The following MACROD2 variants were observed in gnomAD, a reference collection of about 807,000 sequenced individuals.
MACROD2 encodes ADP-ribose glycohydrolase MACROD2.
MACROD2 carries 36 observed loss-of-function variants against 70.4 expected under a neutral mutation model. The ratio of observed to expected loss-of-function variants is 0.51; its 90% CI spans 0.39 to 0.68. The LOEUF is 0.68. Among genes scored for constraint, MACROD2 ranks in the 30% least tolerant of loss-of-function variants. MACROD2 has a pLI of 0.00. For synonymous variants in MACROD2, 172 were observed against 178.8 expected (o/e 0.96, Z 0.30); for missense variants, 496 against 538.4 (o/e 0.92, Z 0.78).
At chr20:14,284,957 T>C (rs1164774472) in intron 3 of MACROD2, among the ~76,000 whole-genome samples, 1 of 152,188 alleles carries the variant, frequency 6.6e-6, no homozygotes, top group East Asian at 1.9e-4. Context: ...TATGGATTGA[T>C]TGTAAAAACT....
At chr20:15,056,783 C>G (rs2075489393) in intron 5 of MACROD2, among the ~76,000 whole-genome samples, 1 of 152,046 alleles carries the variant, frequency 6.6e-6, no homozygotes, top group Non-Finnish European at 1.5e-5. Flanking sequence ...ACTGATGTAA[C>G]AGCAAAGAGA....
chr20:14,910,599 T>G (rs1019743200), intron 5 of MACROD2, among the ~76,000 whole-genome samples: 1 of 152,186 alleles, frequency 6.6e-6, no homozygotes. Context: ...CCTCCACCAT[T>G]TGTCAGAGCT....
At chr20:14,041,945 C>T (rs2053396838) in intron 2 of MACROD2, among the ~76,000 whole-genome samples, 1 of 152,008 alleles carries the variant, frequency 6.6e-6, no homozygotes, top group Admixed American at 6.6e-5. Context: ...TTTCACCAGC[C>T]ATCAGTACAG....
chr20:15,547,300 T>C (rs1739407353), intron 8 of MACROD2, among the ~76,000 whole-genome samples: 1 of 152,254 alleles, frequency 6.6e-6, no homozygotes, highest in Admixed American at 6.5e-5. Flanking sequence ...ACTAGACAGA[T>C]GGAACCAATC....
At chr20:15,801,237 A>T (rs1568569149) in intron 8 of MACROD2, among the ~76,000 whole-genome samples, 1 of 151,750 alleles carries the variant, frequency 6.6e-6, no homozygotes, top group South Asian at 2.1e-4. Flanking sequence ...AAAACTGGAC[A>T]GTGGATGGTA....
chr20:15,864,182 G>A (rs1045736183), intron 9 of MACROD2, among the ~76,000 whole-genome samples: 1 of 151,572 alleles, frequency 6.6e-6, no homozygotes, highest in Non-Finnish European at 1.5e-5. Flanking sequence ...TTGTTGAGAC[G>A]AGTTGAATTA....
At chr20:14,761,971 C>A (rs992621910) in intron 5 of MACROD2, among the ~76,000 whole-genome samples, 1 of 152,090 alleles carries the variant, frequency 6.6e-6, no homozygotes, top group Non-Finnish European at 1.5e-5. Context: ...CAATTCTTTT[C>A]CCATTCCATA....
intron 13 of MACROD2, among the ~76,000 whole-genome samples, chr20:15,985,573 G>A (rs1048768025): frequency 2.4e-4 from 36 of 152,154 alleles, no homozygotes; most frequent in African/African-American, 3.4e-4. Context: ...AATCCTCCAC[G>A]GGGGCCTGCT....
chr20:14,336,836 G>T (rs535866887), intron 3 of MACROD2, among the ~76,000 whole-genome samples: 2 of 152,324 alleles, frequency 1.3e-5, no homozygotes, highest in South Asian at 4.1e-4. Flanking sequence ...TGAAATGCTT[G>T]AAGCAGCTCA....
At chr20:14,677,737 TG>T (rs1395343285) in intron 4 of MACROD2, among the ~76,000 whole-genome samples, 3 of 152,190 alleles carry the variant, frequency 2.0e-5, no homozygotes, top group Non-Finnish European at 2.9e-5. Context: ...TCTGTTAGTC[TG>T]GTTTCAGTCA....
intron 8 of MACROD2, among the ~76,000 whole-genome samples, chr20:15,615,794 G>A (rs1250572889): frequency 6.6e-6 from 1 of 152,110 alleles, no homozygotes; most frequent in Non-Finnish European, 1.5e-5. Flanking sequence ...AATCGGACTC[G>A]GGGAAGAAGG....
intron 5 of MACROD2, among the ~76,000 whole-genome samples, chr20:15,026,929 G>C (rs778588520): frequency 1.3e-5 from 2 of 152,160 alleles, no homozygotes; most frequent in Non-Finnish European, 2.9e-5. Flanking sequence ...ATGTTCTCCT[G>C]CAAGTTCATC....
intron 8 of MACROD2, among the ~76,000 whole-genome samples, chr20:15,709,116 G>A (rs1038791848): frequency 3.9e-5 from 6 of 152,098 alleles, no homozygotes; most frequent in South Asian, 2.1e-4. Context: ...GCAAAGAACC[G>A]AGGAATCTTA....
intron 5 of MACROD2, among the ~76,000 whole-genome samples, chr20:14,915,001 C>T (rs555748343): frequency 9.9e-5 from 15 of 152,210 alleles, no homozygotes; most frequent in African/African-American, 3.6e-4. Context: ...AAAAAAGAAT[C>T]CTACTTTATG....
intron 4 of MACROD2, among the ~76,000 whole-genome samples, chr20:14,532,916 C>A (rs2085323876): frequency 6.6e-6 from 1 of 152,046 alleles, no homozygotes; most frequent in African/African-American, 2.4e-5. Context: ...ATTTTTTCAG[C>A]CTTGTATGAA....
intron 4 of MACROD2, among the ~76,000 whole-genome samples, chr20:14,515,790 C>T (rs2085090967): frequency 6.6e-6 from 1 of 151,796 alleles, no homozygotes; most frequent in Non-Finnish European, 1.5e-5. Flanking sequence ...ATCTATTTCA[C>T]TGCATGGCAA....
chr20:15,041,443 C>G (rs1035226907), intron 5 of MACROD2, among the ~76,000 whole-genome samples: 1 of 151,956 alleles, frequency 6.6e-6, no homozygotes, highest in Non-Finnish European at 1.5e-5. Context: ...TAATTTCTCT[C>G]TCTCTCTCTC....
At chr20:14,907,050 C>T (rs1395351019) in intron 5 of MACROD2, among the ~76,000 whole-genome samples, 1 of 152,158 alleles carries the variant, frequency 6.6e-6, no homozygotes, top group African/African-American at 2.4e-5. Flanking sequence ...CTAGCTAAAA[C>T]AGGACCAGAG....
intron 3 of MACROD2, among the ~76,000 whole-genome samples, chr20:14,114,298 G>A (rs1276182370): frequency 6.6e-6 from 1 of 152,118 alleles, no homozygotes; most frequent in Non-Finnish European, 1.5e-5. Context: ...GGACCTGGCT[G>A]TAGCTTAAAA....
Sources: allele counts gnomAD v4.1 joint callset (sites outside exome capture counted in the v4.1 genomes callset), GRCh38; gene constraint gnomAD v4.1.1; transcripts MANE v1.5; gene names NCBI Gene and HGNC (gene_info 2026-07-23, HGNC 2026-07-21).